Variants in TTC7B observed in about 807,000 individuals in gnomAD.
TTC7B encodes the protein tetratricopeptide repeat protein 7B.
A neutral mutation model predicts 106.8 loss-of-function variants in TTC7B; 28 were observed. The observed-to-expected ratio is 0.26, with a 90% CI of 0.19 to 0.36. The LOEUF is 0.36. Ranked by LOEUF, TTC7B falls within the 10% of genes least tolerant of loss-of-function variation. The probability of loss-of-function intolerance (pLI) is 1.00; values close to 1 mark genes in which losing one functional copy is unlikely to be tolerated. For missense variants in TTC7B, 862 were observed against 1,076.4 expected, an observed-to-expected ratio of 0.80 and a Z score of 2.79; for synonymous variants, 405 against 430.6, an observed-to-expected ratio of 0.94 and a Z score of 0.74.
chr14:90,717,444 T>C (rs889393828), intron 5 of TTC7B, among the ~76,000 whole-genome samples: 1 of 152,222 alleles, frequency 6.6e-6, no homozygotes, highest in African/African-American at 2.4e-5. Flanking sequence ...GATTTCTTTA[T>C]TGGTGGGCAG....
chr14:90,698,656 T>A (rs1274586644), intron 5 of TTC7B: 6 of 152,810 alleles, frequency 3.9e-5, no homozygotes, highest in Non-Finnish European at 7.3e-5. Context: ...TCTCCTGCAC[T>A]TTACTTCACA....
chr14:90,690,768 T>A (rs1368710024), intron 6 of TTC7B, among the ~76,000 whole-genome samples: 2 of 152,190 alleles, frequency 1.3e-5, no homozygotes, highest in Non-Finnish European at 1.5e-5. Context: ...GAGACTTTTT[T>A]AAAAAAATAA....
chr14:90,740,595 A>G (rs11847624), intron 4 of TTC7B, among the ~76,000 whole-genome samples: 21,770 of 134,588 alleles, frequency 0.16, 2,452 homozygotes, highest in African/African-American at 0.35. Flanking sequence ...TCCACCTCCC[A>G]GGTTCATGCG....
intron 9 of TTC7B, chr14:90,676,285 T>C (rs1221962585): frequency 1.3e-5 from 5 of 394,166 alleles, no homozygotes; most frequent in Non-Finnish European, 2.3e-5. Flanking sequence ...ACACACAAAC[T>C]CACAGCCTGG....
chr14:90,746,312 A>G (rs897047539), intron 3 of TTC7B, among the ~76,000 whole-genome samples: 1 of 152,092 alleles, frequency 6.6e-6, no homozygotes, highest in Non-Finnish European at 1.5e-5. Context: ...TTAGTAGTTT[A>G]TATCTTCCAA....
intron 3 of TTC7B, among the ~76,000 whole-genome samples, chr14:90,773,466 A>G (rs1007476234): frequency 6.6e-6 from 1 of 152,016 alleles, no homozygotes; most frequent in East Asian, 1.9e-4. Context: ...TCCCATCTCA[A>G]CTCTGAAAAG....
rs1445868601 is a variant in TTC7B, at chr14:90,577,418, G to A, written c.2310+688C>T. Among the ~76,000 whole-genome samples, 3 of 152,220 alleles carry A rather than the reference G, an allele frequency of 2.0e-5. No homozygotes were observed. The highest frequency in any genetic ancestry group is 2.9e-5 in the Non-Finnish European group (2 of 68,040). On this transcript the variant is annotated intron_variant, in intron 19 of 19. Coordinates refer to ENST00000328459, the MANE Select transcript of TTC7B (RefSeq NM_001010854.2). This position sits in a 1 kb window ranked among gnomAD's most constrained non-coding sequence, Gnocchi z 5.0. ...CTGAAACCGACACGGCCAGGTGGCCGGCTCCAGGGTCTCTCAAGAATGATC... is the reference window on the plus strand; with the variant it reads ...CTGAAACCGACACGGCCAGGTGGCCAGCTCCAGGGTCTCTCAAGAATGATC...
chr14:90,621,955 C>T (rs1157916749), intron 15 of TTC7B, among the ~76,000 whole-genome samples: 3 of 152,034 alleles, frequency 2.0e-5, no homozygotes, highest in Admixed American at 6.6e-5. Flanking sequence ...GATATAGATT[C>T]GATGTGCTGA....
intron 17 of TTC7B, chr14:90,605,784 G>A (rs1307053284): frequency 8.1e-7 from 1 of 1,227,056 alleles, no homozygotes; most frequent in Non-Finnish European, 1.0e-6. Context: ...AGAAAAAAAG[G>A]GTGAAGGCAA....
At chr14:90,784,594 T>TG (rs1184068890) in intron 2 of TTC7B, among the ~76,000 whole-genome samples, 1 of 150,552 alleles carries the variant, frequency 6.6e-6, no homozygotes, top group Non-Finnish European at 1.5e-5. Flanking sequence ...GAGATGGAGA[T>TG]GGGGTTTCGC....
chr14:90,756,415 G>A (rs1305555469), intron 3 of TTC7B, among the ~76,000 whole-genome samples: 5 of 137,956 alleles, frequency 3.6e-5, no homozygotes, highest in Admixed American at 1.5e-4. Flanking sequence ...GTTTTTTTGA[G>A]ACAGTTTCAG....
rs1416850318 is a variant in TTC7B, at chr14:90,525,718, T to C, written c.*15650A>G. 1 of 148,994 alleles carries C rather than the reference T, an allele frequency of 6.7e-6. No individual in the cohort carries two copies. The highest frequency in any genetic ancestry group is 1.5e-5 in the Non-Finnish European group (1 of 67,340). 9.2% of individuals were successfully genotyped at this position (148,994 alleles called of 1,614,324 possible). A position where few individuals can be genotyped will look rare whatever the true frequency, so the allele number is the denominator to read the frequency against. On this transcript the variant is annotated 3_prime_UTR_variant, in exon 20 of 20. Coordinates refer to ENST00000328459, the MANE Select transcript of TTC7B (RefSeq NM_001010854.2). The stretch of plus-strand genomic sequence containing the variant: ...CTCGCCCAACCCAGTTGACTAATAT[T>C]TGGGTCGGTGGAGCCCGAATAATAC...
chr14:90,758,296 G>A (rs939478939), intron 3 of TTC7B, among the ~76,000 whole-genome samples: 2 of 149,626 alleles, frequency 1.3e-5, no homozygotes, highest in Non-Finnish European at 1.5e-5. Context: ...CGGCACCTGC[G>A]CGAGATGCAG....
chr14:90,693,721 AGG>A (rs1204614232), intron 6 of TTC7B, among the ~76,000 whole-genome samples: 1 of 152,216 alleles, frequency 6.6e-6, no homozygotes, highest in African/African-American at 2.4e-5. Flanking sequence ...ACTGTTGTTG[AGG>A]GTGTGGAGAA....
intron 16 of TTC7B, among the ~76,000 whole-genome samples, chr14:90,615,623 G>A (rs2139846151): frequency 6.6e-6 from 1 of 152,318 alleles, no homozygotes; most frequent in South Asian, 2.1e-4. Context: ...AGTGTTGCAA[G>A]GTGTGCTGTC....
At chr14:90,703,154 C>T (rs1456426932) in intron 5 of TTC7B, among the ~76,000 whole-genome samples, 2 of 152,198 alleles carry the variant, frequency 1.3e-5, no homozygotes, top group Non-Finnish European at 2.9e-5. Flanking sequence ...CCCCGTCAGC[C>T]TGCTTCATAA....
intron 19 of TTC7B, among the ~76,000 whole-genome samples, chr14:90,569,201 C>A (rs1242239099): frequency 6.6e-6 from 1 of 152,184 alleles, no homozygotes; most frequent in African/African-American, 2.4e-5. Flanking sequence ...CATGAAAAGG[C>A]CTCGGTGCTG....
intron 19 of TTC7B, among the ~76,000 whole-genome samples, chr14:90,568,850 T>C (rs746501364): frequency 6.6e-6 from 1 of 152,170 alleles, no homozygotes; most frequent in African/African-American, 2.4e-5. Flanking sequence ...TTCCTTTTAC[T>C]CCAAGGAGGA....
intron 5 of TTC7B, among the ~76,000 whole-genome samples, chr14:90,708,176 A>AG (rs1888292969): frequency 6.7e-6 from 1 of 149,336 alleles, no homozygotes; most frequent in Non-Finnish European, 1.5e-5. Context: ...AAAAAGTGCA[A>AG]GGTGAAGCAG....
Sources: allele counts gnomAD v4.1 joint callset (sites outside exome capture counted in the v4.1 genomes callset), GRCh38; gene constraint gnomAD v4.1.1; non-coding constraint Gnocchi (gnomAD v3.1); transcripts MANE v1.5; gene names NCBI Gene and HGNC (gene_info 2026-07-23, HGNC 2026-07-21).